PIK3R1: variants seen among roughly 807,000 people sequenced by gnomAD.
PIK3R1 encodes the protein phosphatidylinositol 3-kinase regulatory subunit alpha.
PIK3R1 carries 29 observed loss-of-function variants against 98.0 expected under a neutral mutation model. The ratio of observed to expected loss-of-function variants is 0.30; its 90% CI spans 0.22 to 0.40. PIK3R1 has a LOEUF of 0.40. Ranked by LOEUF, PIK3R1 falls within the 10% of genes least tolerant of loss-of-function variation. The pLI is 1.00. For missense variants in PIK3R1, 596 were observed against 872.7 expected (o/e 0.68, Z 3.99); for synonymous variants, 282 against 311.8 (o/e 0.90, Z 1.01).
chr5:68,296,406 A>G, intron 15 of PIK3R1, 65 bp downstream of exon 15: 1 of 1,454,874 alleles, frequency 6.9e-7, no homozygotes. Flanking sequence ...TTATTCATTC[A>G]TTGAGTTTTG....
chr5:68,288,846 T>C (rs1747222542), intron 7 of PIK3R1: 2 of 1,241,626 alleles, frequency 1.6e-6, no homozygotes, highest in Admixed American at 1.7e-5. Flanking sequence ...CGTGCGCCCC[T>C]GTAAGCGCTG....
intron 2 of PIK3R1, among the ~76,000 whole-genome samples, chr5:68,244,523 G>T (rs251403): frequency 1.3e-4 from 1 of 7,998 alleles, no homozygotes; most frequent in African/African-American, 1.3e-3. Context: ...CCGCCCCCCC[G>T]CCCCCCGCCG....
At chr5:68,292,805 TAA>T (rs1747465802) in intron 8 of PIK3R1, 3 of 1,199,186 alleles carry the variant, frequency 2.5e-6, no homozygotes, top group Middle Eastern at 6.2e-4. Context: ...GTTGAAAAAA[TAA>T]AAACTTAGTA....
In PIK3R1 at chr5:68,226,340, G is replaced by A. The variant is rs1418877873; in HGVS notation, c.-336G>A. The A allele has an allele frequency of 2.3e-6, 1 of 440,956 alleles. No homozygotes were observed. Among genetic ancestry groups the A allele is most frequent in the African/African-American group, 2.0e-5 (1 of 50,652 alleles). The allele number at this position is 440,956 out of a possible 1,614,324, so 27.3% of individuals were successfully genotyped here. A position where few individuals can be genotyped will look rare whatever the true frequency, so the allele number is the denominator to read the frequency against. ...GGTACAATCAGACGACAGATGGACA[G>A]TGTGACAAAAGTGTCAGAAAGGATT... On this transcript the variant is annotated 5_prime_UTR_variant, in exon 2 of 16. The change creates a new upstream start codon in the 5' untranslated region. Transcript: ENST00000521381.
At chr5:68,256,669 A>G (rs1745529583) in intron 2 of PIK3R1, among the ~76,000 whole-genome samples, 1 of 152,146 alleles carries the variant, frequency 6.6e-6, no homozygotes, top group Admixed American at 6.5e-5. Context: ...ATCTAGTCTC[A>G]GTTGTGCAAA....
chr5:68,301,521 T>C lies in PIK3R1; in HGVS notation c.*3920T>C, dbSNP rs1232643212. On this transcript the variant is annotated 3_prime_UTR_variant, in exon 16 of 16. Coordinates refer to ENST00000521381, the MANE Select transcript of PIK3R1 (RefSeq NM_181523.3). ...ACATATATATATGTATTTAAAAAAATCAAAACAAAAAAAAACTCATTTATA... is the reference window on the plus strand; with the variant it reads ...ACATATATATATGTATTTAAAAAAACCAAAACAAAAAAAAACTCATTTATA... 1.4e-5 allele frequency: 2 copies of C among 147,596 alleles called. No individual in the cohort carries two copies. Among genetic ancestry groups the C allele is most frequent in the Admixed American group, 7.0e-5 (1 of 14,214 alleles). 9.1% of individuals were successfully genotyped at this position (147,596 alleles called of 1,614,324 possible). A position where few individuals can be genotyped will look rare whatever the true frequency, so the allele number is the denominator to read the frequency against.
rs1313566551 is a variant in PIK3R1, at chr5:68,298,253, A to C, written c.*652A>C. ...CTTGTCAAAAAACAAAAACCCAGCA[A>C]CAGAAAAATGGAGTTTGGAAAACAG... is the stretch of plus-strand genomic sequence containing the variant. On this transcript the variant is annotated 3_prime_UTR_variant, in exon 16 of 16. Coordinates refer to ENST00000521381, the MANE Select transcript of PIK3R1 (RefSeq NM_181523.3). 3 of 232,946 alleles carry C rather than the reference A, an allele frequency of 1.3e-5. No homozygotes were observed. The highest frequency in any genetic ancestry group is 6.6e-5 in the African/African-American group (3 of 45,326). The allele number at this position is 232,946 out of a possible 1,614,324, so 14.4% of individuals were successfully genotyped here.
rs368045702 is a variant in PIK3R1, at chr5:68,288,524, G to GAGCCA, written c.917-3731_917-3727dup. ...GTGGGGCGGAGGGACGAGCCGAGCC[G>GAGCCA]AGCCAAGCGGAGCTGGGCCACTGTG... is the stretch of plus-strand genomic sequence containing the variant. On this transcript the variant is annotated intron_variant, in intron 7 of 15. Coordinates refer to ENST00000521381, the MANE Select transcript of PIK3R1 (RefSeq NM_181523.3). 1.0e-5 allele frequency: 14 copies of GAGCCA among 1,365,930 alleles called. No homozygotes were observed. In the Admixed American group the frequency reaches 4.5e-4, roughly 43 times the overall value. The allele number at this position is 1,365,930 out of a possible 1,614,324, so 84.6% of individuals were successfully genotyped here. A position where few individuals can be genotyped will look rare whatever the true frequency, so the allele number is the denominator to read the frequency against.
At chr5:68,228,121 G>A (rs1010153233) in intron 2 of PIK3R1, among the ~76,000 whole-genome samples, 1 of 152,162 alleles carries the variant, frequency 6.6e-6, no homozygotes, top group African/African-American at 2.4e-5. Flanking sequence ...AGATGGGTGG[G>A]CCTAACTGCA....
chr5:68,262,824 T>TGTAGATGCATGTAGATACATGTATAC (rs1745885672), intron 2 of PIK3R1, among the ~76,000 whole-genome samples: 1 of 117,392 alleles, frequency 8.5e-6, no homozygotes, highest in Admixed American at 7.9e-5. Context: ...TGTAGATACA[T>TGTAGATGCATGTAGATACATGTATAC]GTAGATACAT....
chr5:68,280,900 G>T (rs748750162), intron 6 of PIK3R1, 27 bp from the exon 7 acceptor site: 19 of 1,492,220 alleles, frequency 1.3e-5, no homozygotes, highest in East Asian at 6.8e-5. Context: ...TAGGGAAAAG[G>T]TTTCTAATAA....
At chr5:68,272,434 A>G (rs1746401678) in intron 2 of PIK3R1, among the ~76,000 whole-genome samples, 1 of 152,090 alleles carries the variant, frequency 6.6e-6, no homozygotes, top group South Asian at 2.1e-4. Context: ...TTGTACTTAT[A>G]TTTTCATAAT....
rs146380364 is a variant in PIK3R1 at position 68,249,853 on chromosome 5, G to C, written c.334+22844G>C. ...GTAGAAGACAGTTGATAGACTATTT[G>C]GTGAGCAAATGAATAACTGGATGAA... On this transcript the variant is annotated intron_variant, in intron 2 of 15. Coordinates refer to ENST00000521381, the MANE Select transcript of PIK3R1 (RefSeq NM_181523.3). Among the ~76,000 whole-genome samples, 603 of 152,264 alleles carry C rather than the reference G, an allele frequency of 4.0e-3. 4 individuals carry two copies. The highest frequency in any genetic ancestry group is 6.1e-3 in the Non-Finnish European group (413 of 68,024).
chr5:68,246,694 G>A (rs980048939), intron 2 of PIK3R1, among the ~76,000 whole-genome samples: 34 of 152,264 alleles, frequency 2.2e-4, no homozygotes, highest in Non-Finnish European at 4.6e-4. Context: ...TGCGATCTTG[G>A]CTCACTGCAA....
At chr5:68,287,041 A>G (rs1408325671) in intron 7 of PIK3R1, among the ~76,000 whole-genome samples, 1 of 152,216 alleles carries the variant, frequency 6.6e-6, no homozygotes, top group Non-Finnish European at 1.5e-5. Flanking sequence ...AATCACTTTC[A>G]TTGTGGGTTT....
chr5:68,223,120 CTCAATCATCATCATCATCA>C (rs1386181229), intron 1 of PIK3R1, among the ~76,000 whole-genome samples: 1 of 117,214 alleles, frequency 8.5e-6, no homozygotes, highest in African/African-American at 3.8e-5. Flanking sequence ...TGTGTACAAA[CTCAATCATCATCATCATCA>C]TCATCATCAT....
In PIK3R1 at chr5:68,295,497, TTAC is replaced by T; in HGVS notation, c.1814+12_1814+14del. 6.2e-7 allele frequency: 1 copy of T among 1,609,972 alleles called. No individual in the cohort carries two copies. The highest frequency in any genetic ancestry group is 1.1e-5 in the South Asian group (1 of 91,012). Reference sequence around the variant, plus strand: ...AATGAAAACACTGAAGAGTAAGTAGTTACTAAAGATGGTGATAGCAGAAGATTT... The same window carrying T: ...AATGAAAACACTGAAGAGTAAGTAGTTAAAGATGGTGATAGCAGAAGATTT... On this transcript the variant is annotated intron_variant, in intron 14 of 15. Transcript: ENST00000521381.
intron 2 of PIK3R1, among the ~76,000 whole-genome samples, chr5:68,262,230 C>T (rs1745783913): frequency 6.6e-6 from 1 of 151,706 alleles, no homozygotes; most frequent in African/African-American, 2.4e-5. Context: ...CTTCCTTTCA[C>T]CAGTTAGCTG....
At chr5:68,291,053 A>G (rs972102078) in intron 7 of PIK3R1, 2 of 395,794 alleles carry the variant, frequency 5.1e-6, no homozygotes, top group Admixed American at 4.5e-5. Context: ...TCTTACTTGA[A>G]TGGATATGAA....
Sources: allele counts gnomAD v4.1 joint callset (sites outside exome capture counted in the v4.1 genomes callset), GRCh38; gene constraint gnomAD v4.1.1; transcripts MANE v1.5; gene names NCBI Gene and HGNC (gene_info 2026-07-23, HGNC 2026-07-21).